PRKG1: variants seen among roughly 807,000 people sequenced by gnomAD.
The protein encoded by PRKG1 is cGMP-dependent protein kinase 1.
PRKG1 carries 35 observed loss-of-function variants against 88.1 expected under a neutral mutation model. The observed-to-expected ratio is 0.40, with a 90% confidence interval of 0.30 to 0.53. The LOEUF (loss-of-function observed/expected upper bound fraction) is 0.53, where lower values mean the gene tolerates loss of function less well. PRKG1 is among the 20% of genes least tolerant of loss of function. The probability of loss-of-function intolerance (pLI) is 0.59; values close to 1 mark genes in which losing one functional copy is unlikely to be tolerated. For synonymous variants in PRKG1, 303 were observed against 292.5 expected (o/e 1.04, Z -0.37); for missense variants, 540 against 839.8 (o/e 0.64, Z 4.41).
intron 3 of PRKG1, among the ~76,000 whole-genome samples, chr10:51,658,558 GAA>G (rs1840218661): frequency 6.6e-6 from 1 of 150,670 alleles, no homozygotes; most frequent in Non-Finnish European, 1.5e-5. Flanking sequence ...AACAATTATA[GAA>G]AACTGATGCT....
At chr10:51,753,374 T>G (rs1837775988) in intron 3 of PRKG1, among the ~76,000 whole-genome samples, 2 of 152,192 alleles carry the variant, frequency 1.3e-5, no homozygotes, top group Non-Finnish European at 2.9e-5. Flanking sequence ...AATCTAAGCA[T>G]AAATTATTTT....
At chr10:52,108,171 A>C (rs544861712) in intron 7 of PRKG1, among the ~76,000 whole-genome samples, 8 of 152,346 alleles carry the variant, frequency 5.3e-5, no homozygotes, top group African/African-American at 1.9e-4. Flanking sequence ...TATTGACTCC[A>C]GTTTTTCTGA....
chr10:52,140,606 T>A (rs1051872024), intron 8 of PRKG1, among the ~76,000 whole-genome samples: 1 of 152,182 alleles, frequency 6.6e-6, no homozygotes, highest in South Asian at 2.1e-4. Context: ...GAGATTAAAA[T>A]GGTTCTCTGC....
chr10:51,132,623 T>C (rs1845595013), intron 1 of PRKG1, among the ~76,000 whole-genome samples: 1 of 150,266 alleles, frequency 6.7e-6, no homozygotes, highest in Admixed American at 6.6e-5. Context: ...ACAGAGCCTA[T>C]GCAATCTACA....
At chr10:51,529,372 G>A (rs920783017) in intron 3 of PRKG1, among the ~76,000 whole-genome samples, 18 of 152,048 alleles carry the variant, frequency 1.2e-4, no homozygotes, top group African/African-American at 4.3e-4. Context: ...TTCAGATTTT[G>A]TTCATTGCTT....
At chr10:51,396,822 A>G (rs1169632985) in intron 2 of PRKG1, among the ~76,000 whole-genome samples, 2 of 152,210 alleles carry the variant, frequency 1.3e-5, no homozygotes, top group African/African-American at 4.8e-5. Flanking sequence ...TCCAGAGGGT[A>G]TGTAGTAGGG....
chr10:52,084,722 AG>A (rs1846868308), intron 7 of PRKG1, among the ~76,000 whole-genome samples: 2 of 152,072 alleles, frequency 1.3e-5, no homozygotes, highest in Non-Finnish European at 2.9e-5. Context: ...AACAAGTTCA[AG>A]AAATTTGACA....
At chr10:51,804,475 A>G (rs1294271038) in intron 3 of PRKG1, 110 bp from the exon 4 acceptor site, 2 of 729,630 alleles carry the variant, frequency 2.7e-6, no homozygotes, top group African/African-American at 1.8e-5. Flanking sequence ...TAAAAAGTCA[A>G]TCATTTTCAT....
intron 4 of PRKG1, among the ~76,000 whole-genome samples, chr10:51,821,522 AATTT>A (rs1405585701): frequency 6.6e-6 from 1 of 152,108 alleles, no homozygotes; most frequent in Non-Finnish European, 1.5e-5. Flanking sequence ...TGTCAATCTT[AATTT>A]ATTTGGTTAA....
chr10:51,430,624 C>T (rs1838734572), intron 2 of PRKG1, among the ~76,000 whole-genome samples: 1 of 152,070 alleles, frequency 6.6e-6, no homozygotes, highest in Non-Finnish European at 1.5e-5. Context: ...GAAATAAAAA[C>T]ATATGTCCAT....
chr10:51,987,515 TC>T (rs1844194258), intron 5 of PRKG1, among the ~76,000 whole-genome samples: 3 of 151,564 alleles, frequency 2.0e-5, no homozygotes, highest in African/African-American at 7.3e-5. Flanking sequence ...TATACTCTGG[TC>T]CAAATGTTTC....
At chr10:51,622,166 A>T (rs1465734342) in intron 3 of PRKG1, among the ~76,000 whole-genome samples, 1 of 152,218 alleles carries the variant, frequency 6.6e-6, no homozygotes, top group Non-Finnish European at 1.5e-5. Context: ...CATATATACC[A>T]TGCCTCTCTT....
intron 7 of PRKG1, among the ~76,000 whole-genome samples, chr10:52,122,098 G>A (rs1216596383): frequency 6.6e-6 from 1 of 152,222 alleles, no homozygotes; most frequent in African/African-American, 2.4e-5. Flanking sequence ...GATGTCCAAG[G>A]TTGAGGGGCT....
chr10:51,937,301 T>A (rs1426786313), intron 5 of PRKG1, among the ~76,000 whole-genome samples: 1 of 152,030 alleles, frequency 6.6e-6, no homozygotes, highest in Non-Finnish European at 1.5e-5. Context: ...AGGAGGAAAG[T>A]CATTAAATAA....
chr10:51,056,238 A>G (rs1843624519), intron 1 of PRKG1, among the ~76,000 whole-genome samples: 1 of 152,148 alleles, frequency 6.6e-6, no homozygotes, highest in African/African-American at 2.4e-5. Flanking sequence ...TAGATATGCT[A>G]TTTGTGTTTA....
intron 10 of PRKG1, among the ~76,000 whole-genome samples, chr10:52,271,066 A>G (rs1221866581): frequency 1.3e-5 from 2 of 152,066 alleles, no homozygotes; most frequent in Admixed American, 1.3e-4. Context: ...ATGACATGAA[A>G]TAATAAAACT....
At chr10:51,723,321 A>G (rs1276836372) in intron 3 of PRKG1, among the ~76,000 whole-genome samples, 1 of 152,188 alleles carries the variant, frequency 6.6e-6, no homozygotes, top group African/African-American at 2.4e-5. Flanking sequence ...TGTCTTTTGC[A>G]GGGACATGGA....
chr10:51,371,617 C>T (rs1189358610), intron 2 of PRKG1, among the ~76,000 whole-genome samples: 1 of 152,080 alleles, frequency 6.6e-6, no homozygotes, highest in Non-Finnish European at 1.5e-5. Flanking sequence ...ACTCCTATTC[C>T]CATCTGCCAG....
At chr10:51,797,961 T>C (rs1209575322) in intron 3 of PRKG1, among the ~76,000 whole-genome samples, 1 of 152,054 alleles carries the variant, frequency 6.6e-6, no homozygotes, top group Non-Finnish European at 1.5e-5. Context: ...ATCTATGTTA[T>C]AGCACATATG....
Sources: gnomAD v4.1 joint callset for allele counts (sites outside exome capture counted in the v4.1 genomes callset) on GRCh38, gnomAD v4.1.1 for gene constraint, MANE v1.5 for transcripts, NCBI Gene and HGNC (gene_info 2026-07-23, HGNC 2026-07-21) for gene names.